Variants in SESN1 observed in about 807,000 individuals in gnomAD.
SESN1 encodes the protein sestrin-1.
In SESN1, 30 loss-of-function variants were observed where a neutral mutation model predicts 59.3. That is an observed-to-expected ratio of 0.51 (90% CI 0.38 to 0.69). SESN1 has a LOEUF of 0.69. Ranked by LOEUF, SESN1 falls within the 30% of genes least tolerant of loss-of-function variation. The probability of loss-of-function intolerance (pLI) is 0.00; values close to 1 mark genes in which losing one functional copy is unlikely to be tolerated. For missense variants in SESN1, 566 were observed against 673.0 expected, an observed-to-expected ratio of 0.84 and a Z score of 1.76; for synonymous variants, 197 against 219.9, an observed-to-expected ratio of 0.90 and a Z score of 0.92.
chr6:109,073,933 C>G (rs1288919541), intron 1 of SESN1, among the ~76,000 whole-genome samples: 1 of 152,114 alleles, frequency 6.6e-6, no homozygotes, highest in East Asian at 1.9e-4. Context: ...AAACCACTGC[C>G]AAGAGAGATA....
intron 9 of SESN1, 146 bp from the exon 10 acceptor site, chr6:108,987,776 A>AGAT: frequency 4.3e-6 from 2 of 463,270 alleles, no homozygotes. Flanking sequence ...TTTGTTGAAC[A>AGAT]GATTATAAAT....
chr6:109,029,546 TTC>T (rs1355479332), intron 1 of SESN1, among the ~76,000 whole-genome samples: 4 of 152,206 alleles, frequency 2.6e-5, no homozygotes, highest in African/African-American at 4.8e-5. Flanking sequence ...TCTATTCTGT[TTC>T]TCTTTTAAGA....
intron 1 of SESN1, among the ~76,000 whole-genome samples, chr6:109,038,911 A>AAGG (rs10688675): frequency 0.081 from 12,097 of 149,830 alleles, 1,217 homozygotes; most frequent in African/African-American, 0.24. Context: ...AGAAAAAAGG[A>AAGG]AGGAGGAGGA....
chr6:109,021,791 G>T (rs1260512770), intron 1 of SESN1, among the ~76,000 whole-genome samples: 1 of 151,574 alleles, frequency 6.6e-6, no homozygotes, highest in East Asian at 1.9e-4. Context: ...TGTTGAATCA[G>T]AAAAAAAGGT....
At chr6:109,083,906 C>T (rs1233373850) in intron 1 of SESN1, among the ~76,000 whole-genome samples, 1 of 152,090 alleles carries the variant, frequency 6.6e-6, no homozygotes, top group African/African-American at 2.4e-5. Flanking sequence ...TAACACCTGC[C>T]AACTAGCTAG....
intron 6 of SESN1, among the ~76,000 whole-genome samples, chr6:108,993,378 T>C (rs1326570620): frequency 6.6e-6 from 1 of 152,198 alleles, no homozygotes; most frequent in Non-Finnish European, 1.5e-5. Flanking sequence ...TGACTAAGAC[T>C]TTCTGGACTA....
At chr6:109,009,770 G>T (rs575505492) in intron 1 of SESN1, among the ~76,000 whole-genome samples, 4 of 152,108 alleles carry the variant, frequency 2.6e-5, no homozygotes, top group Non-Finnish European at 5.9e-5. Context: ...TCTCAGGTAC[G>T]GAATGGGCTC....
At chr6:109,005,835 T>G (rs1464479546) in intron 1 of SESN1, among the ~76,000 whole-genome samples, 7 of 152,220 alleles carry the variant, frequency 4.6e-5, no homozygotes, top group Non-Finnish European at 1.0e-4. Context: ...TTTTACAAAT[T>G]ATACAAACGT....
chr6:108,998,878 C>A lies in SESN1; in HGVS notation c.730-123G>T, dbSNP rs1218534949. The A allele has an allele frequency of 4.2e-6, 5 of 1,184,340 alleles. No homozygotes were observed. In the African/African-American group the frequency reaches 7.8e-5, roughly 18 times the overall value. The allele number at this position is 1,184,340 out of a possible 1,614,324, so 73.4% of individuals were successfully genotyped here. A position where few individuals can be genotyped will look rare whatever the true frequency, so the allele number is the denominator to read the frequency against. Reference sequence around the variant, plus strand: ...CATACAAAGCCTAGCATAAAATTATCATTTGAAACATGTAGAACCCAGAAT... The same window carrying A: ...CATACAAAGCCTAGCATAAAATTATAATTTGAAACATGTAGAACCCAGAAT... On this transcript the variant is annotated intron_variant, in intron 4 of 9. Coordinates refer to ENST00000436639, the MANE Select transcript of SESN1 (RefSeq NM_014454.3).
chr6:108,998,645 G>A lies in SESN1; in HGVS notation c.840C>T (p.Ile280=). The A allele has an allele frequency of 6.2e-7, 1 of 1,613,936 alleles. No homozygotes were observed. Among genetic ancestry groups the A allele is most frequent in the Non-Finnish European group, 8.5e-7 (1 of 1,179,866 alleles). The part of the protein sequence containing the change: ...SLASFTFGCG[I]SPEIHCDGGH... ...CACCATCACAATGAATTTCTGGACT[G>A]ATTCCACAGCCGAATGTGAATGAGG... is the stretch of plus-strand genomic sequence containing the variant. Residue 280 remains isoleucine, a synonymous_variant, in exon 5 of 10, where the codon ATC becomes ATT. Transcript: ENST00000436639.
chr6:109,055,661 C>CA (rs577017689), intron 1 of SESN1, among the ~76,000 whole-genome samples: 4,417 of 50,672 alleles, frequency 0.087, 228 homozygotes, highest in African/African-American at 0.14. Flanking sequence ...GACTCCACCT[C>CA]AAAAAAAAAA....
At chr6:109,056,801 A>G (rs567686736) in intron 1 of SESN1, among the ~76,000 whole-genome samples, 2 of 152,280 alleles carry the variant, frequency 1.3e-5, no homozygotes, top group African/African-American at 4.8e-5. Flanking sequence ...AAGGGACTAC[A>G]TCCTGTATAG....
intron 5 of SESN1, among the ~76,000 whole-genome samples, chr6:108,997,100 T>C (rs906113824): frequency 1.3e-5 from 2 of 151,950 alleles, no homozygotes; most frequent in Non-Finnish European, 2.9e-5. Flanking sequence ...ACTGGATATG[T>C]ACCTAAAGAA....
At chr6:109,041,286 A>G (rs1489345123) in intron 1 of SESN1, among the ~76,000 whole-genome samples, 1 of 152,080 alleles carries the variant, frequency 6.6e-6, no homozygotes, top group Non-Finnish European at 1.5e-5. Flanking sequence ...TGGGTGGCAG[A>G]GTGAGACTCT....
chr6:109,001,483 G>A lies in SESN1; in HGVS notation c.351C>T (p.Leu117=), dbSNP rs1014692623. The change falls in exon 3 of 10, where the codon CTC becomes CTT. Residue 117 remains leucine (L), a synonymous_variant. Transcript: ENST00000436639. ...PSRFIPEKEI[L]QVGSEDAQMH... ...TCTGTGCGTCTTCACTCCCCACTTG[G>A]AGGATCTGTATAAATGAGAAAAACC... is the stretch of plus-strand genomic sequence containing the variant. 13 of 1,611,648 alleles carry A rather than the reference G, an allele frequency of 8.1e-6. No homozygotes were observed. Among genetic ancestry groups the A allele is most frequent in the Non-Finnish European group, 9.3e-6 (11 of 1,178,880 alleles).
intron 1 of SESN1, among the ~76,000 whole-genome samples, chr6:109,060,436 C>G (rs191061797): frequency 9.7e-4 from 147 of 152,282 alleles, no homozygotes; most frequent in African/African-American, 3.4e-3. Flanking sequence ...ACCTGCCAAG[C>G]CTTTTTTCCT....
At chr6:109,061,858 A>C (rs544997685) in intron 1 of SESN1, among the ~76,000 whole-genome samples, 3 of 152,180 alleles carry the variant, frequency 2.0e-5, no homozygotes, top group African/African-American at 2.4e-5. Context: ...CTATGTGCCT[A>C]ATGAGTGATG....
At chr6:109,073,812 C>T (rs1234968577) in intron 1 of SESN1, among the ~76,000 whole-genome samples, 1 of 152,180 alleles carries the variant, frequency 6.6e-6, no homozygotes, top group East Asian at 1.9e-4. Flanking sequence ...AGCCACTCTT[C>T]TATGAATAGA....
Position 108,986,368 on chromosome 6 carries a change from A to AAAT in SESN1, c.*1175_*1176insATT, listed in dbSNP as rs1341086142. Reference sequence around the variant, plus strand: ...AAGTGTGAATGTACTTGGCTTATGAAAGTAGATAGAAACTCAAAATTATTA... The same window carrying AAAT: ...AAGTGTGAATGTACTTGGCTTATGAAAATAGTAGATAGAAACTCAAAATTATTA... On this transcript the variant is annotated 3_prime_UTR_variant, in exon 10 of 10. Transcript: ENST00000436639. The AAAT allele has an allele frequency of 1.1e-4, 17 of 151,392 alleles. No homozygotes were observed. The highest frequency in any genetic ancestry group is 3.5e-4 in the African/African-American group (14 of 40,356). The allele number at this position is 151,392 out of a possible 1,614,324, so 9.4% of individuals were successfully genotyped here. A position where few individuals can be genotyped will look rare whatever the true frequency, so the allele number is the denominator to read the frequency against.
Sources: gnomAD v4.1 joint callset for allele counts (sites outside exome capture counted in the v4.1 genomes callset) on GRCh38, gnomAD v4.1.1 for gene constraint, MANE v1.5 for transcripts, NCBI Gene and HGNC (gene_info 2026-07-23, HGNC 2026-07-21) for gene names.